Variants in VWA5A observed in about 807,000 individuals in gnomAD.
VWA5A encodes the protein von Willebrand factor A domain-containing protein 5A.
VWA5A carries 77 observed loss-of-function variants against 84.6 expected under a neutral mutation model. The ratio of observed to expected loss-of-function variants is 0.91; its 90% CI spans 0.76 to 1.10. VWA5A has a LOEUF of 1.10. VWA5A is among the 50% of genes least tolerant of loss of function. VWA5A has a pLI of 0.00. For synonymous variants in VWA5A, 334 were observed against 350.1 expected (o/e 0.95, Z 0.51); for missense variants, 973 against 963.0 (o/e 1.01, Z -0.14).
intron 7 of VWA5A, among the ~76,000 whole-genome samples, chr11:124,121,996 A>G (rs972145128): frequency 6.6e-5 from 10 of 152,194 alleles, no homozygotes; most frequent in African/African-American, 2.2e-4. Flanking sequence ...CCTATCATAT[A>G]TTTGATGGGC....
intron 18 of VWA5A, 52 bp from the exon 19 acceptor site, chr11:124,145,814 G>C: frequency 6.5e-7 from 1 of 1,532,712 alleles, no homozygotes; most frequent in Non-Finnish European, 8.8e-7. Flanking sequence ...AGGTTTGGAG[G>C]AGCCTCTAAT....
intron 11 of VWA5A, among the ~76,000 whole-genome samples, chr11:124,131,325 G>A (rs1231790311): frequency 2.6e-5 from 4 of 152,046 alleles, no homozygotes; most frequent in African/African-American, 4.8e-5. Flanking sequence ...CATGGCATAA[G>A]ATTTCATCAT....
intron 15 of VWA5A, among the ~76,000 whole-genome samples, chr11:124,139,589 G>A (rs1860686539): frequency 6.6e-6 from 1 of 152,016 alleles, no homozygotes; most frequent in Non-Finnish European, 1.5e-5. Context: ...TTCTGTTTGA[G>A]AGAGCTTGCT....
Position 124,136,175 on chromosome 11 carries a change from T to G in VWA5A, c.1406T>G (p.Val469Gly). 6.2e-7 allele frequency: 1 copy of G among 1,614,208 alleles called. No homozygotes were observed. ...KRSLQPVVED[V>G]SLSWHLPPGL... ...TCTCTGCAGCCTGTGGTAGAGGATG[T>G]CTCTCTGAGCTGGCATTTGCCTCCT... Residue 469 changes from valine to glycine, a missense_variant, in exon 13 of 19, where the codon GTC (valine) becomes GGC (glycine). By Grantham distance (109) the Val-to-Gly change is moderately radical (BLOSUM62 -3). Transcript: ENST00000456829.
chr11:124,118,462 A>C (rs771808541), intron 5 of VWA5A, 51 bp downstream of exon 5: 3 of 1,610,778 alleles, frequency 1.9e-6, no homozygotes, highest in Non-Finnish European at 2.5e-6. Flanking sequence ...TAAATGGGGA[A>C]ATTTTCTTAA....
chr11:124,136,202 G>C lies in VWA5A; in HGVS notation c.1433G>C (p.Gly478Ala). 1 of 1,614,136 alleles carries C rather than the reference G, an allele frequency of 6.2e-7. No homozygotes were observed. The part of the protein sequence containing the change: ...DVSLSWHLPP[G>A]LSAKMLSPEQ... Reference sequence around the variant, plus strand: ...TCTCTGAGCTGGCATTTGCCTCCTGGTCTGTCTGCTAAAATGCTTTCCCCA... The same window carrying C: ...TCTCTGAGCTGGCATTTGCCTCCTGCTCTGTCTGCTAAAATGCTTTCCCCA... The change falls in exon 13 of 19, where the codon GGT becomes GCT. Residue 478 changes from glycine (G) to alanine (A), a missense_variant. Coordinates refer to ENST00000456829, the MANE Select transcript of VWA5A (RefSeq NM_001130142.2).
intron 17 of VWA5A, among the ~76,000 whole-genome samples, chr11:124,144,948 C>G (rs1860792299): frequency 1.3e-5 from 2 of 152,006 alleles, no homozygotes; most frequent in African/African-American, 2.4e-5. Flanking sequence ...AGCAGTTTTG[C>G]CTGTGTTTCT....
chr11:124,127,276 C>T (rs1028193209), intron 11 of VWA5A, among the ~76,000 whole-genome samples: 7 of 151,292 alleles, frequency 4.6e-5, no homozygotes, highest in African/African-American at 1.5e-4. Flanking sequence ...GTTTGGTTTT[C>T]TGTTCCTGTG....
chr11:124,139,183 T>C (rs1223645708), intron 15 of VWA5A, among the ~76,000 whole-genome samples: 4 of 151,978 alleles, frequency 2.6e-5, no homozygotes, highest in Non-Finnish European at 4.4e-5. Flanking sequence ...AGCTTTGTAG[T>C]ATATTTTGAA....
At position 124,146,809 on chromosome 11, in the gene VWA5A, C is replaced by G. The variant is rs1324417383; in HGVS notation, c.*864C>G. ...CCGTAATCGTTCCTGACCCTTGTGT[C>G]TCATATACCCTATCCTGGTGGAAAT... is the stretch of plus-strand genomic sequence containing the variant. On this transcript the variant is annotated 3_prime_UTR_variant, in exon 19 of 19. Transcript: ENST00000456829. The G allele has an allele frequency of 6.5e-6, 1 of 153,150 alleles. No homozygotes were observed. The highest frequency in any genetic ancestry group is 2.4e-5 in the African/African-American group (1 of 41,412). The allele number at this position is 153,150 out of a possible 1,614,324, so 9.5% of individuals were successfully genotyped here. A position where few individuals can be genotyped will look rare whatever the true frequency, so the allele number is the denominator to read the frequency against.
At chr11:124,127,638 TA>T (rs927966939) in intron 11 of VWA5A, among the ~76,000 whole-genome samples, 6 of 152,204 alleles carry the variant, frequency 3.9e-5, no homozygotes, top group African/African-American at 1.4e-4. Context: ...ACAAACAGTG[TA>T]AAAGGTTTCC....
rs764155138 is a variant in VWA5A, at chr11:124,118,714, T to C, written c.645+6T>C. 1.2e-6 allele frequency: 2 copies of C among 1,611,788 alleles called. No individual in the cohort carries two copies. Among genetic ancestry groups the C allele is most frequent in the Non-Finnish European group, 8.5e-7 (1 of 1,178,754 alleles). ...AGGACAAGACTTCTGCTCAGGTAGT[T>C]AATGAGAGAATACTGCTATTGTCAG... On this transcript the variant is annotated splice_donor_region_variant and intron_variant, in intron 6 of 18. Transcript: ENST00000456829.
In VWA5A at chr11:124,139,040, C is replaced by T. The variant is rs570702887; in HGVS notation, c.1879+1772C>T. ...CATTTATTAAAGTGACTGTCTTTTA[C>T]CTATTGTGTTCTTAGCACTTTTGTC... On this transcript the variant is annotated intron_variant, in intron 15 of 18. Coordinates refer to ENST00000456829, the MANE Select transcript of VWA5A (RefSeq NM_001130142.2). Among the ~76,000 whole-genome samples the T allele has an allele frequency of 2.0e-5, 3 of 152,168 alleles. No individual in the cohort carries two copies. The South Asian group carries it at 6.2e-4, about 32-fold the overall frequency.
chr11:124,125,283 GT>G (rs60887785), intron 11 of VWA5A, among the ~76,000 whole-genome samples: 19,478 of 143,912 alleles, frequency 0.14, 1,319 homozygotes, highest in East Asian at 0.29. Context: ...GTGTCTTATG[GT>G]TTTTTTTTTT....
chr11:124,134,313 CTCTG>C (rs1347566846), intron 11 of VWA5A, among the ~76,000 whole-genome samples: 2 of 152,192 alleles, frequency 1.3e-5, no homozygotes, highest in African/African-American at 2.4e-5. Context: ...ACAATGAAAA[CTCTG>C]TCTGTCATGC....
intron 11 of VWA5A, among the ~76,000 whole-genome samples, chr11:124,130,459 T>A (rs1865080133): frequency 6.6e-6 from 1 of 152,168 alleles, no homozygotes; most frequent in Non-Finnish European, 1.5e-5. Context: ...ATTCTGTTGA[T>A]TAGGGGCAGA....
Position 124,118,705 on chromosome 11 carries a change from T to G in VWA5A, c.642T>G (p.Ala214=). Residue 214 remains alanine (A), a synonymous_variant, in exon 6 of 19, where the codon GCT becomes GCG. Transcript: ENST00000456829. The part of the protein sequence containing the change: ...TEYLGEDKTS[A]QVSLAAGHKF... The stretch of plus-strand genomic sequence containing the variant: ...ACCTAGGAGAGGACAAGACTTCTGC[T>G]CAGGTAGTTAATGAGAGAATACTGC... The G allele has an allele frequency of 6.2e-7, 1 of 1,613,222 alleles. No homozygotes were observed. The highest frequency in any genetic ancestry group is 8.5e-7 in the Non-Finnish European group (1 of 1,179,616).
chr11:124,125,387 A>T (rs529734778), intron 11 of VWA5A, among the ~76,000 whole-genome samples: 1 of 150,452 alleles, frequency 6.6e-6, no homozygotes, highest in South Asian at 2.1e-4. Context: ...GGTTCACGCC[A>T]TTCTCCCGCC....
chr11:124,136,980 C>A, intron 14 of VWA5A, 35 bp from the exon 15 acceptor site: 1 of 1,597,116 alleles, frequency 6.3e-7, no homozygotes. Context: ...GATGTCTTTC[C>A]CTACATTTCA....
Sources: gnomAD v4.1 joint callset for allele counts (sites outside exome capture counted in the v4.1 genomes callset) on GRCh38, gnomAD v4.1.1 for gene constraint, MANE v1.5 for transcripts, NCBI Gene and HGNC (gene_info 2026-07-23, HGNC 2026-07-21) for gene names.